The following KIN variants were observed in gnomAD, a reference collection of about 807,000 sequenced individuals.
KIN encodes DNA/RNA-binding protein KIN17.
In KIN, 47 loss-of-function variants were observed where a neutral mutation model predicts 63.0. The ratio of observed to expected loss-of-function variants is 0.75; its 90% CI spans 0.59 to 0.95. The LOEUF (loss-of-function observed/expected upper bound fraction) is 0.95. Among genes scored for constraint, KIN ranks in the 40% least tolerant of loss-of-function variants. The probability of loss-of-function intolerance (pLI) is 0.00; values close to 1 mark genes in which losing one functional copy is unlikely to be tolerated. For synonymous variants in KIN, 160 were observed against 157.7 expected (o/e 1.01, Z -0.11); for missense variants, 408 against 460.9 (o/e 0.89, Z 1.05).
At chr10:7,774,437 G>C (rs1266032362) in intron 7 of KIN, among the ~76,000 whole-genome samples, 1 of 152,156 alleles carries the variant, frequency 6.6e-6, no homozygotes, top group Non-Finnish European at 1.5e-5. Context: ...AGGATTCATG[G>C]AGAAGCAAAA....
chr10:7,780,395 T>C (rs1835873123), intron 2 of KIN, 88 bp from the exon 3 acceptor site: 1 of 1,163,560 alleles, frequency 8.6e-7, no homozygotes, highest in Admixed American at 2.4e-5. Context: ...GTACAGTTTT[T>C]TGTTTTTGTT....
At chr10:7,769,141 T>A in intron 8 of KIN, 75 bp downstream of exon 8, 1 of 1,376,324 alleles carries the variant, frequency 7.3e-7, no homozygotes. Context: ...TAATTTTCTA[T>A]TAATCTAATA....
At chr10:7,782,188 T>C (rs942516597) in intron 2 of KIN, among the ~76,000 whole-genome samples, 3 of 152,100 alleles carry the variant, frequency 2.0e-5, no homozygotes, top group Non-Finnish European at 2.9e-5. Context: ...TTTAAAAGTA[T>C]AAAGGGGTCC....
chr10:7,753,972 T>C lies in KIN; in HGVS notation c.*2108A>G. On this transcript the variant is annotated 3_prime_UTR_variant, in exon 13 of 13. Transcript: ENST00000379562. ...CATACCTGTGTCTGACGTCAGCTTA[T>C]ACCCATCCTCATGTTTGAAGTGATC... 1 of 454,210 alleles carries C rather than the reference T, an allele frequency of 2.2e-6. No individual in the cohort carries two copies. Among genetic ancestry groups the C allele is most frequent in the East Asian group, 7.0e-5 (1 of 14,344 alleles). 28.1% of individuals were successfully genotyped at this position (454,210 alleles called of 1,614,324 possible).
intron 1 of KIN, among the ~76,000 whole-genome samples, chr10:7,783,587 G>A (rs1358026847): frequency 6.6e-6 from 1 of 152,034 alleles, no homozygotes; most frequent in Non-Finnish European, 1.5e-5. Context: ...AACTACTTTC[G>A]CTCACTTTCC....
intron 7 of KIN, among the ~76,000 whole-genome samples, chr10:7,770,196 G>T (rs1254894900): frequency 1.3e-5 from 2 of 152,206 alleles, no homozygotes; most frequent in African/African-American, 4.8e-5. Flanking sequence ...CTCCCAAAGT[G>T]CTGGGATTAC....
At chr10:7,787,004 T>C (rs77937011) in intron 1 of KIN, among the ~76,000 whole-genome samples, 40 of 152,188 alleles carry the variant, frequency 2.6e-4, no homozygotes, top group Admixed American at 1.7e-3. Context: ...CGGAGAAAAA[T>C]ATGATCACAT....
chr10:7,769,495 A>T, intron 7 of KIN, 150 bp from the exon 8 acceptor site: 1 of 747,128 alleles, frequency 1.3e-6, no homozygotes, highest in South Asian at 1.8e-5. Flanking sequence ...CACATCTCTT[A>T]CAGAACCATC....
intron 8 of KIN, among the ~76,000 whole-genome samples, chr10:7,767,860 C>T (rs1203650457): frequency 4.7e-5 from 6 of 127,478 alleles, no homozygotes; most frequent in Non-Finnish European, 9.5e-5. Flanking sequence ...AGCAGGACTC[C>T]GTCTCAAAAA....
At chr10:7,762,049 T>G (rs1835445174) in intron 11 of KIN, among the ~76,000 whole-genome samples, 1 of 152,102 alleles carries the variant, frequency 6.6e-6, no homozygotes, top group Non-Finnish European at 1.5e-5. Flanking sequence ...ATCAATTTTG[T>G]GTTAAGACAT....
intron 9 of KIN, among the ~76,000 whole-genome samples, chr10:7,765,018 A>C (rs1184262129): frequency 6.6e-6 from 1 of 151,774 alleles, no homozygotes; most frequent in African/African-American, 2.4e-5. Context: ...AATTAACCGG[A>C]TGTGGTGGCC....
intron 7 of KIN, among the ~76,000 whole-genome samples, chr10:7,772,672 G>T (rs1342914218): frequency 6.6e-6 from 1 of 152,106 alleles, no homozygotes; most frequent in Non-Finnish European, 1.5e-5. Flanking sequence ...TCTTTCAATT[G>T]TATTACCCAT....
intron 11 of KIN, among the ~76,000 whole-genome samples, chr10:7,761,971 A>G (rs928750437): frequency 1.3e-5 from 2 of 152,222 alleles, no homozygotes; most frequent in Admixed American, 1.3e-4. Context: ...GCCACACTCC[A>G]GCCTGGGTGA....
Position 7,774,833 on chromosome 10 carries a change from T to G in KIN, c.666A>C (p.Ser222=), listed in dbSNP as rs750457776. 9.9e-6 allele frequency: 16 copies of G among 1,611,548 alleles called. No individual in the cohort carries two copies. The Admixed American group carries it at 1.3e-4, about 13-fold the overall frequency. Residue 222 remains serine, a splice_region_variant and synonymous_variant, in exon 7 of 13, where the codon TCA becomes TCC. Coordinates refer to ENST00000379562, the MANE Select transcript of KIN (RefSeq NM_012311.4). The part of the protein sequence containing the change: ...CSSSGATSSK[S]STLGPSALKT... ...TATCCGTGAATGATGCAGCTCACCTTGACTTGGAAGATGTTGCTCCGGATG... is the reference window on the plus strand; with the variant it reads ...TATCCGTGAATGATGCAGCTCACCTGGACTTGGAAGATGTTGCTCCGGATG...
chr10:7,765,576 T>C (rs1284914721), intron 9 of KIN, among the ~76,000 whole-genome samples: 1 of 152,172 alleles, frequency 6.6e-6, no homozygotes, highest in Admixed American at 6.5e-5. Context: ...TTTAAAACAA[T>C]AAGCAATAAT....
intron 10 of KIN, among the ~76,000 whole-genome samples, chr10:7,763,022 G>A (rs530061955): frequency 4.5e-4 from 69 of 152,306 alleles, no homozygotes; most frequent in African/African-American, 1.6e-3. Flanking sequence ...TTGGGAGGCT[G>A]AGGCAGGTAG....
intron 5 of KIN, among the ~76,000 whole-genome samples, chr10:7,777,053 C>CAAAAAAAAAAAAAAAAAAAAAAAAA (rs60757813): frequency 1.2e-5 from 1 of 80,724 alleles, no homozygotes; most frequent in Non-Finnish European, 2.4e-5. Context: ...GACAGTCTCT[C>CAAAAAAAAAAAAAAAAAAAAAAAAA]AAAAAAAAAA....
Position 7,756,070 on chromosome 10 carries a change from A to T in KIN, c.*10T>A, listed in dbSNP as rs75487802. On this transcript the variant is annotated 3_prime_UTR_variant, in exon 13 of 13. Transcript: ENST00000379562. The stretch of plus-strand genomic sequence containing the variant: ...TAAGATTTTAATGTATTGTTAACAA[A>T]TTTTCAAACTCAGGCAAGTTTAGAA... The T allele has an allele frequency of 0.015, 23,882 of 1,557,476 alleles. 1,634 individuals carry two copies. The East Asian group carries it at 0.24, about 16-fold the overall frequency.
chr10:7,759,885 C>T lies in KIN; in HGVS notation c.1119+5G>A. ...AAATTTCTGTCTTTGTGTAAACAAA[C>T]TTACAGTTTCAATGACGATAGTAGC... On this transcript the variant is annotated splice_donor_5th_base_variant and intron_variant, in intron 12 of 12. Coordinates refer to ENST00000379562, the MANE Select transcript of KIN (RefSeq NM_012311.4). 2.8e-6 allele frequency: 4 copies of T among 1,420,554 alleles called. No individual in the cohort carries two copies. Among genetic ancestry groups the T allele is most frequent in the Non-Finnish European group, 3.9e-6 (4 of 1,018,360 alleles). 88.0% of individuals were successfully genotyped at this position (1,420,554 alleles called of 1,614,324 possible).
Sources: gnomAD v4.1 joint callset for allele counts (sites outside exome capture counted in the v4.1 genomes callset) on GRCh38, gnomAD v4.1.1 for gene constraint, MANE v1.5 for transcripts, NCBI Gene and HGNC (gene_info 2026-07-23, HGNC 2026-07-21) for gene names.